The following XPNPEP3 variants were observed in gnomAD, a reference collection of about 807,000 sequenced individuals.
XPNPEP3 encodes the protein X-prolyl aminopeptidase 3.
Under a neutral mutation model 60.0 loss-of-function variants are expected in XPNPEP3, and 41 were observed. The ratio of observed to expected loss-of-function variants is 0.68; its 90% CI spans 0.53 to 0.89. The LOEUF is 0.89. Among genes scored for constraint, XPNPEP3 ranks in the 40% least tolerant of loss-of-function variants. The probability of loss-of-function intolerance (pLI) is 0.00; values close to 1 mark genes in which losing one functional copy is unlikely to be tolerated. For missense variants in XPNPEP3, 598 were observed against 638.9 expected (o/e 0.94, Z 0.69); for synonymous variants, 212 against 223.2 (o/e 0.95, Z 0.45).
chr22:40,860,656 C>CT (rs202011264), intron 1 of XPNPEP3: 49,655 of 1,107,412 alleles, frequency 0.045, 10 homozygotes, highest in Non-Finnish European at 0.05. Flanking sequence ...TTCCAAATTC[C>CT]TTTTTTTTTT....
intron 1 of XPNPEP3, among the ~76,000 whole-genome samples, chr22:40,863,979 T>C (rs1424047856): frequency 6.6e-6 from 1 of 151,974 alleles, no homozygotes; most frequent in Non-Finnish European, 1.5e-5. Flanking sequence ...CGGAAAGGGG[T>C]CCCAATCCAG....
chr22:40,907,150 G>A (rs767502527), intron 4 of XPNPEP3: 19 of 456,822 alleles, frequency 4.2e-5, no homozygotes, highest in African/African-American at 4.0e-5. Context: ...GGCCCGGCAC[G>A]GTGGCTCACG....
chr22:40,905,288 G>T (rs189630020), intron 4 of XPNPEP3, among the ~76,000 whole-genome samples: 3 of 151,988 alleles, frequency 2.0e-5, no homozygotes, highest in Non-Finnish European at 4.4e-5. Flanking sequence ...CACTGTGTTA[G>T]CCAGGATGAT....
chr22:40,918,794 G>T (rs1367966980), intron 7 of XPNPEP3, among the ~76,000 whole-genome samples: 22 of 122,664 alleles, frequency 1.8e-4, no homozygotes, highest in East Asian at 6.0e-4. Flanking sequence ...TTTTTTTTTT[G>T]TTGTTGTTGT....
intron 4 of XPNPEP3, chr22:40,907,147 C>T (rs1569028568): frequency 2.2e-6 from 1 of 456,792 alleles, no homozygotes; most frequent in Non-Finnish European, 4.4e-6. Context: ...ATTGGCCCGG[C>T]ACGGTGGCTC....
At chr22:40,867,917 G>T (rs1209184249) in intron 1 of XPNPEP3, among the ~76,000 whole-genome samples, 1 of 141,266 alleles carries the variant, frequency 7.1e-6, no homozygotes, top group Non-Finnish European at 1.5e-5. Flanking sequence ...CAGCCTGGGC[G>T]ACAGAGTGAG....
chr22:40,909,626 G>T (rs1279705055), intron 6 of XPNPEP3, among the ~76,000 whole-genome samples: 1 of 152,026 alleles, frequency 6.6e-6, no homozygotes, highest in African/African-American at 2.4e-5. Context: ...TTAGCCAGGC[G>T]TGGTGGCACG....
intron 4 of XPNPEP3, among the ~76,000 whole-genome samples, chr22:40,896,913 T>G (rs1453383100): frequency 6.6e-6 from 1 of 152,026 alleles, no homozygotes; most frequent in Non-Finnish European, 1.5e-5. Context: ...TTTTTGTAAC[T>G]GGCTTACTTC....
At chr22:40,904,347 T>C (rs1409712168) in intron 4 of XPNPEP3, among the ~76,000 whole-genome samples, 1 of 152,188 alleles carries the variant, frequency 6.6e-6, no homozygotes, top group East Asian at 1.9e-4. Flanking sequence ...GAGGAACTTT[T>C]GTATCCTGTT....
intron 3 of XPNPEP3, among the ~76,000 whole-genome samples, chr22:40,884,505 T>G (rs561056739): frequency 1.2e-4 from 18 of 145,942 alleles, no homozygotes; most frequent in Middle Eastern, 7.0e-3. Context: ...AATTTTTCTG[T>G]TTTTTTTTAG....
chr22:40,891,285 AG>A (rs929508082), intron 4 of XPNPEP3, among the ~76,000 whole-genome samples: 8 of 147,650 alleles, frequency 5.4e-5, no homozygotes, highest in African/African-American at 2.0e-4. Flanking sequence ...ACTTGAGCCC[AG>A]GAAGTCAAGG....
Position 40,886,298 on chromosome 22 carries a change from G to C in XPNPEP3, c.590-15G>C, listed in dbSNP as rs200588476. ...AGTTTTGTTTTAAATTTATTTTTCGGCTTCTCATTCTAAGCTGAGACGAAC... is the reference window on the plus strand; with the variant it reads ...AGTTTTGTTTTAAATTTATTTTTCGCCTTCTCATTCTAAGCTGAGACGAAC... On this transcript the variant is annotated splice_polypyrimidine_tract_variant and intron_variant, in intron 3 of 9. Coordinates refer to ENST00000357137, the MANE Select transcript of XPNPEP3 (RefSeq NM_022098.4). The C allele has an allele frequency of 6.2e-7, 1 of 1,613,012 alleles. No individual in the cohort carries two copies. The highest frequency in any genetic ancestry group is 1.1e-5 in the South Asian group (1 of 91,054).
chr22:40,909,632 G>A (rs987012517), intron 6 of XPNPEP3, among the ~76,000 whole-genome samples: 2 of 152,032 alleles, frequency 1.3e-5, no homozygotes, highest in African/African-American at 4.8e-5. Context: ...AGGCGTGGTG[G>A]CACGTGCTTG....
intron 4 of XPNPEP3, among the ~76,000 whole-genome samples, chr22:40,893,505 CAAAA>C (rs764114832): frequency 9.9e-5 from 4 of 40,248 alleles, no homozygotes; most frequent in African/African-American, 3.5e-4. Context: ...AACTCTATCT[CAAAA>C]AAAAAAAAAA....
At chr22:40,914,882 C>A (rs777657927) in intron 7 of XPNPEP3, among the ~76,000 whole-genome samples, 70 of 151,702 alleles carry the variant, frequency 4.6e-4, no homozygotes, top group Admixed American at 2.0e-4. Flanking sequence ...ACTAGAGATC[C>A]CTTTGTAGCT....
intron 2 of XPNPEP3, among the ~76,000 whole-genome samples, chr22:40,881,170 C>T (rs532866066): frequency 2.6e-5 from 4 of 152,024 alleles, no homozygotes; most frequent in Admixed American, 6.6e-5. Flanking sequence ...CTCAGGCTCC[C>T]GAGTAGCTGG....
At chr22:40,899,534 A>C (rs1205190223) in intron 4 of XPNPEP3, among the ~76,000 whole-genome samples, 1 of 151,996 alleles carries the variant, frequency 6.6e-6, no homozygotes, top group East Asian at 1.9e-4. Flanking sequence ...AAAAGAATGA[A>C]GTTGTGCCCG....
intron 2 of XPNPEP3, among the ~76,000 whole-genome samples, chr22:40,873,229 A>G (rs894007063): frequency 6.1e-5 from 9 of 147,008 alleles, no homozygotes; most frequent in African/African-American, 2.3e-4. Context: ...CTCAGCCTCC[A>G]GAGTAGCTGG....
intron 2 of XPNPEP3, among the ~76,000 whole-genome samples, chr22:40,877,493 A>G (rs764808427): frequency 2.6e-5 from 4 of 152,196 alleles, no homozygotes; most frequent in Non-Finnish European, 5.9e-5. Context: ...TGTAGCTGGT[A>G]AAATATGAAG....
Sources: allele counts gnomAD v4.1 joint callset (sites outside exome capture counted in the v4.1 genomes callset), GRCh38; gene constraint gnomAD v4.1.1; transcripts MANE v1.5; gene names NCBI Gene and HGNC (gene_info 2026-07-23, HGNC 2026-07-21).